THSD7A: variants seen among roughly 807,000 people sequenced by gnomAD.
The protein encoded by THSD7A is thrombospondin type-1 domain-containing protein 7A.
A neutral mutation model predicts 231.3 loss-of-function variants in THSD7A; 96 were observed. The observed-to-expected ratio is 0.41, with a 90% CI of 0.35 to 0.49. The LOEUF (loss-of-function observed/expected upper bound fraction) is 0.49. THSD7A is among the 20% of genes least tolerant of loss of function. The probability of loss-of-function intolerance (pLI) is 0.05; values close to 1 mark genes in which losing one functional copy is unlikely to be tolerated. For synonymous variants in THSD7A, 940 were observed against 743.3 expected, an observed-to-expected ratio of 1.26 and a Z score of -4.30; for missense variants, 2,290 against 2,070.2, an observed-to-expected ratio of 1.11 and a Z score of -2.06.
intron 2 of THSD7A, among the ~76,000 whole-genome samples, chr7:11,622,388 C>G (rs928901853): frequency 2.0e-5 from 3 of 152,028 alleles, no homozygotes; most frequent in African/African-American, 7.2e-5. Flanking sequence ...ATGTTTTCCT[C>G]AGCCATTATC....
chr7:11,636,223 T>C lies in THSD7A; in HGVS notation c.929A>G (p.Asn310Ser). 1 of 1,614,062 alleles carries C rather than the reference T, an allele frequency of 6.2e-7. No individual in the cohort carries two copies. The highest frequency in any genetic ancestry group is 8.5e-7 in the Non-Finnish European group (1 of 1,179,906). The change falls in exon 2 of 28, where the codon AAC becomes AGC. Residue 310 changes from asparagine to serine, a missense_variant. Physicochemically the swap from Asn to Ser is conservative, Grantham distance 46. Transcript: ENST00000423059. The surrounding 1 kb of genome is among the most constrained non-coding windows in gnomAD (Gnocchi z 10.0). ...GTCCCAATATTTGTTCTCTTGTCTG[T>C]TCTGCCTGTTTCTGTTTCTCTTTTT... ...IKKKRNRNRQ[N>S]RQENKYWDIQ...
At chr7:11,556,399 T>G (rs1789846687) in intron 4 of THSD7A, among the ~76,000 whole-genome samples, 1 of 151,746 alleles carries the variant, frequency 6.6e-6, no homozygotes, top group Non-Finnish European at 1.5e-5. Flanking sequence ...TATAGAAATC[T>G]TACCCTCCCT....
At chr7:11,553,943 T>C (rs1789736036) in intron 4 of THSD7A, among the ~76,000 whole-genome samples, 3 of 151,940 alleles carry the variant, frequency 2.0e-5, no homozygotes, top group Admixed American at 2.0e-4. Flanking sequence ...AAAGATAGTT[T>C]ATATATCTTA....
At chr7:11,681,408 A>G (rs996569334) in intron 1 of THSD7A, among the ~76,000 whole-genome samples, 3 of 151,990 alleles carry the variant, frequency 2.0e-5, no homozygotes, top group Admixed American at 1.3e-4. Context: ...AAAAAGAAAG[A>G]ACCAAACAGA....
chr7:11,652,629 A>T (rs1286102008), intron 1 of THSD7A, among the ~76,000 whole-genome samples: 1 of 151,892 alleles, frequency 6.6e-6, no homozygotes, highest in Non-Finnish European at 1.5e-5. Flanking sequence ...AAATTGGTTC[A>T]TTTATGATAA....
chr7:11,394,023 A>G (rs901207283), intron 23 of THSD7A, among the ~76,000 whole-genome samples: 1 of 152,160 alleles, frequency 6.6e-6, no homozygotes, highest in African/African-American at 2.4e-5. Flanking sequence ...GAACACCACA[A>G]AGATACTCCT....
At chr7:11,721,446 G>T (rs13310741) in intron 1 of THSD7A, among the ~76,000 whole-genome samples, 56,276 of 151,556 alleles carry the variant, frequency 0.37, 10,951 homozygotes, top group African/African-American at 0.45. Flanking sequence ...CATGCCTGCT[G>T]CCCCTTTGCC....
intron 1 of THSD7A, among the ~76,000 whole-genome samples, chr7:11,771,119 AT>A (rs1329317443): frequency 1.3e-5 from 2 of 150,908 alleles, no homozygotes; most frequent in African/African-American, 4.8e-5. Context: ...CTATTAAGAG[AT>A]TTTTCATCAT....
intron 1 of THSD7A, among the ~76,000 whole-genome samples, chr7:11,812,428 CTTATA>C (rs1231280839): frequency 6.6e-6 from 1 of 152,046 alleles, no homozygotes; most frequent in Non-Finnish European, 1.5e-5. Context: ...TGGGAATATA[CTTATA>C]TTTAATTATA....
chr7:11,628,174 A>C (rs1418404602), intron 2 of THSD7A, among the ~76,000 whole-genome samples: 1 of 152,202 alleles, frequency 6.6e-6, no homozygotes, highest in African/African-American at 2.4e-5. Context: ...TGTTACTAAT[A>C]AATGTGGAAA....
chr7:11,801,602 T>C (rs540774850), intron 1 of THSD7A, among the ~76,000 whole-genome samples: 7 of 152,256 alleles, frequency 4.6e-5, no homozygotes, highest in African/African-American at 1.7e-4. Flanking sequence ...AAATTTTAAA[T>C]TAGCATATAA....
At position 11,373,926 on chromosome 7, in the gene THSD7A, C is replaced by G. The variant is rs1340491198; in HGVS notation, c.*1868G>C. On this transcript the variant is annotated 3_prime_UTR_variant, in exon 28 of 28. Transcript: ENST00000423059. ...AAAATGGTATTGCTTTTTAATGGCACCTTTTGAGTTTTCTTTTCATTTGCA... is the reference window on the plus strand; with the variant it reads ...AAAATGGTATTGCTTTTTAATGGCAGCTTTTGAGTTTTCTTTTCATTTGCA... 1 of 152,104 alleles carries G rather than the reference C, an allele frequency of 6.6e-6. No individual in the cohort carries two copies. Among genetic ancestry groups the G allele is most frequent in the African/African-American group, 2.4e-5 (1 of 41,526 alleles). The allele number at this position is 152,104 out of a possible 1,614,324, so 9.4% of individuals were successfully genotyped here.
intron 11 of THSD7A, among the ~76,000 whole-genome samples, chr7:11,457,480 T>C (rs1785346483): frequency 6.6e-6 from 1 of 152,080 alleles, no homozygotes; most frequent in Non-Finnish European, 1.5e-5. Context: ...TTATTTATTT[T>C]TGCCTATTTC....
At chr7:11,718,392 G>A (rs892467469) in intron 1 of THSD7A, among the ~76,000 whole-genome samples, 1 of 151,518 alleles carries the variant, frequency 6.6e-6, no homozygotes, top group Non-Finnish European at 1.5e-5. Context: ...ATCTGATAAT[G>A]TGACACATAT....
intron 2 of THSD7A, among the ~76,000 whole-genome samples, chr7:11,621,909 A>G (rs1332022465): frequency 6.6e-6 from 1 of 152,144 alleles, no homozygotes; most frequent in Non-Finnish European, 1.5e-5. Context: ...ATACAAAACT[A>G]ATTTTCAAAT....
chr7:11,410,030 C>T (rs1444669472), intron 19 of THSD7A, among the ~76,000 whole-genome samples: 1 of 152,128 alleles, frequency 6.6e-6, no homozygotes, highest in Non-Finnish European at 1.5e-5. Context: ...GCTTGAGCCA[C>T]CCTACTCGGC....
chr7:11,543,810 T>C (rs7787223), intron 4 of THSD7A, among the ~76,000 whole-genome samples: 99,562 of 146,556 alleles, frequency 0.68, 33,004 homozygotes, highest in Admixed American at 0.8. Context: ...CTTGTCCTTG[T>C]TTTTTTGTTT....
At chr7:11,571,626 C>T (rs565056485) in intron 4 of THSD7A, among the ~76,000 whole-genome samples, 1 of 152,346 alleles carries the variant, frequency 6.6e-6, no homozygotes, top group South Asian at 2.1e-4. Flanking sequence ...GTAACCACTT[C>T]TCTCAGTTAC....
intron 1 of THSD7A, among the ~76,000 whole-genome samples, chr7:11,745,111 C>T (rs183820130): frequency 2.3e-3 from 351 of 152,138 alleles, no homozygotes; most frequent in Non-Finnish European, 2.4e-3. Flanking sequence ...CCTGTTGTTT[C>T]CTGACTTTTT....
Sources: gnomAD v4.1 joint callset for allele counts (sites outside exome capture counted in the v4.1 genomes callset) on GRCh38, gnomAD v4.1.1 for gene constraint, Gnocchi (gnomAD v3.1) non-coding constraint, MANE v1.5 for transcripts, NCBI Gene and HGNC (gene_info 2026-07-23, HGNC 2026-07-21) for gene names.